Variants in CTNND2 observed in about 807,000 individuals in gnomAD.
The protein encoded by CTNND2 is catenin delta 2, also known as catenin delta-2.
Under a neutral mutation model 144.4 loss-of-function variants are expected in CTNND2, and 22 were observed. The observed-to-expected ratio is 0.15, with a 90% confidence interval of 0.11 to 0.22. The LOEUF (loss-of-function observed/expected upper bound fraction) is 0.22. Ranked by LOEUF, CTNND2 falls within the 10% of genes least tolerant of loss-of-function variation. The pLI, the probability that CTNND2 is intolerant of heterozygous loss-of-function variation, is 1.00. For missense variants in CTNND2, 1,353 were observed against 1,618.8 expected (o/e 0.84, Z 2.82); for synonymous variants, 751 against 695.6 (o/e 1.08, Z -1.25).
intron 15 of CTNND2, among the ~76,000 whole-genome samples, chr5:11,092,506 C>T (rs1381476796): frequency 6.6e-6 from 1 of 152,180 alleles, no homozygotes; most frequent in African/African-American, 2.4e-5. Context: ...GAAGAAATCA[C>T]TGAGTCCTGT....
chr5:11,573,711 C>T (rs1236454035), intron 2 of CTNND2, among the ~76,000 whole-genome samples: 3 of 152,176 alleles, frequency 2.0e-5, no homozygotes, highest in Non-Finnish European at 4.4e-5. Flanking sequence ...CTGGGTTACC[C>T]AGCAAGGCAG....
At chr5:11,893,631 C>T (rs533247846) in intron 1 of CTNND2, among the ~76,000 whole-genome samples, 7 of 152,248 alleles carry the variant, frequency 4.6e-5, no homozygotes, top group African/African-American at 1.7e-4. Flanking sequence ...CCACATCCAT[C>T]GCCTATATTT....
At chr5:11,049,328 T>C (rs899119034) in intron 16 of CTNND2, among the ~76,000 whole-genome samples, 6 of 152,194 alleles carry the variant, frequency 3.9e-5, no homozygotes, top group Admixed American at 1.3e-4. Flanking sequence ...TTGGTAAAAC[T>C]GACATAATAC....
chr5:11,388,038 T>G (rs1052959592), intron 6 of CTNND2, among the ~76,000 whole-genome samples: 1 of 152,208 alleles, frequency 6.6e-6, no homozygotes, highest in African/African-American at 2.4e-5. Context: ...CCACATGAGC[T>G]GTAGACATTT....
chr5:11,462,918 G>A (rs1043739007), intron 3 of CTNND2, among the ~76,000 whole-genome samples: 5 of 151,742 alleles, frequency 3.3e-5, no homozygotes, highest in African/African-American at 9.7e-5. Flanking sequence ...GACTTGGCAC[G>A]GATGCCCTCC....
At chr5:11,462,644 TAAA>T (rs1297757152) in intron 3 of CTNND2, among the ~76,000 whole-genome samples, 1 of 151,810 alleles carries the variant, frequency 6.6e-6, no homozygotes, top group African/African-American at 2.4e-5. Context: ...GCACAAAAAA[TAAA>T]AAGTAAATTT....
At chr5:11,620,271 C>G (rs1366818877) in intron 2 of CTNND2, among the ~76,000 whole-genome samples, 1 of 152,100 alleles carries the variant, frequency 6.6e-6, no homozygotes, top group Non-Finnish European at 1.5e-5. Flanking sequence ...AAATGACCAG[C>G]CCAACAGCCT....
intron 1 of CTNND2, among the ~76,000 whole-genome samples, chr5:11,887,633 C>T (rs1736653999): frequency 6.6e-6 from 1 of 152,048 alleles, no homozygotes; most frequent in Admixed American, 6.5e-5. Context: ...TAATTAATGA[C>T]CAGTATTGAT....
rs1197048420 is a variant in CTNND2 at position 11,117,436 on chromosome 5, C to A, written c.2277+14G>T. ...TATTCTCAAACATGTTTAATCTATG[C>A]CAGCACAACCAACCTTGCTATCGAT... On this transcript the variant is annotated intron_variant, in intron 13 of 21. Transcript: ENST00000304623. The A allele has an allele frequency of 1.9e-6, 3 of 1,600,974 alleles. No individual in the cohort carries two copies. The Admixed American group carries it at 5.0e-5, about 27-fold the overall frequency.
intron 2 of CTNND2, among the ~76,000 whole-genome samples, chr5:11,657,545 C>G (rs1220525802): frequency 6.6e-6 from 1 of 151,922 alleles, no homozygotes; most frequent in Non-Finnish European, 1.5e-5. Context: ...GTATTAAATT[C>G]AAAGTGTCTC....
At chr5:11,374,495 C>T (rs1000964671) in intron 7 of CTNND2, among the ~76,000 whole-genome samples, 1 of 152,082 alleles carries the variant, frequency 6.6e-6, no homozygotes, top group East Asian at 1.9e-4. Context: ...TTCTGTTTGT[C>T]CTGATTAACT....
At chr5:11,540,931 T>C (rs1314807075) in intron 3 of CTNND2, among the ~76,000 whole-genome samples, 1 of 152,210 alleles carries the variant, frequency 6.6e-6, no homozygotes, top group East Asian at 1.9e-4. Flanking sequence ...TTGGCTATTA[T>C]TGTTATTATT....
chr5:11,521,579 T>C (rs911322498), intron 3 of CTNND2, among the ~76,000 whole-genome samples: 1 of 152,226 alleles, frequency 6.6e-6, no homozygotes, highest in Non-Finnish European at 1.5e-5. Context: ...TAACTTGGGA[T>C]TTTCTCAGCA....
At chr5:11,748,374 A>T (rs916454881) in intron 1 of CTNND2, among the ~76,000 whole-genome samples, 1 of 152,126 alleles carries the variant, frequency 6.6e-6, no homozygotes, top group Non-Finnish European at 1.5e-5. Context: ...GTATTACTGT[A>T]ATTGTAAATG....
chr5:11,449,116 C>T (rs1765090357), intron 3 of CTNND2, among the ~76,000 whole-genome samples: 2 of 151,830 alleles, frequency 1.3e-5, no homozygotes, highest in Non-Finnish European at 2.9e-5. Context: ...TTTTCATTTG[C>T]TGTGAATTTC....
chr5:11,797,321 C>T (rs1014391200), intron 1 of CTNND2, among the ~76,000 whole-genome samples: 3 of 152,180 alleles, frequency 2.0e-5, no homozygotes, highest in Non-Finnish European at 2.9e-5. Flanking sequence ...TTGCCTGCGT[C>T]TCACCACAGG....
chr5:11,012,942 T>A (rs957734150), intron 18 of CTNND2, among the ~76,000 whole-genome samples: 1 of 152,200 alleles, frequency 6.6e-6, no homozygotes, highest in Non-Finnish European at 1.5e-5. Flanking sequence ...TGGTGAAGGC[T>A]GTGGAAAGGC....
chr5:11,016,779 T>A (rs368009340), intron 18 of CTNND2, among the ~76,000 whole-genome samples: 26 of 149,906 alleles, frequency 1.7e-4, no homozygotes, highest in East Asian at 1.4e-3. Context: ...CCCTATATAT[T>A]TTTTTTTTTG....
At chr5:11,568,609 T>C (rs1777313802) in intron 2 of CTNND2, among the ~76,000 whole-genome samples, 1 of 152,218 alleles carries the variant, frequency 6.6e-6, no homozygotes, top group Non-Finnish European at 1.5e-5. Context: ...TTTTTCTCCT[T>C]GGTATAGACA....
Sources: gnomAD v4.1 joint callset for allele counts (sites outside exome capture counted in the v4.1 genomes callset) on GRCh38, gnomAD v4.1.1 for gene constraint, MANE v1.5 for transcripts, NCBI Gene and HGNC (gene_info 2026-07-23, HGNC 2026-07-21) for gene names.